DENND5B: variants seen among roughly 807,000 people sequenced by gnomAD.
The protein encoded by DENND5B is DENN domain containing 5B.
A neutral mutation model predicts 140.6 loss-of-function variants in DENND5B; 34 were observed. That is an observed-to-expected ratio of 0.24 (90% CI 0.18 to 0.32). DENND5B has a LOEUF of 0.32. Ranked by LOEUF, DENND5B falls within the 10% of genes least tolerant of loss-of-function variation. The pLI, the probability that DENND5B is intolerant of heterozygous loss-of-function variation, is 1.00. For synonymous variants in DENND5B, 551 were observed against 562.1 expected, an observed-to-expected ratio of 0.98 and a Z score of 0.28; for missense variants, 1,142 against 1,560.2, an observed-to-expected ratio of 0.73 and a Z score of 4.52.
At chr12:31,515,286 C>G (rs959771304) in intron 1 of DENND5B, among the ~76,000 whole-genome samples, 1 of 152,164 alleles carries the variant, frequency 6.6e-6, no homozygotes, top group Admixed American at 6.5e-5. Context: ...GCTTGGGTGA[C>G]AGAGTGAGAC....
intron 2 of DENND5B, among the ~76,000 whole-genome samples, chr12:31,490,918 CTT>C (rs1240897000): frequency 1.3e-5 from 2 of 152,102 alleles, no homozygotes; most frequent in African/African-American, 2.4e-5. Flanking sequence ...AGTTATTACT[CTT>C]TTGTTACCTA....
At chr12:31,457,097 T>C (rs2617190) in intron 4 of DENND5B, among the ~76,000 whole-genome samples, 100,525 of 152,066 alleles carry the variant, frequency 0.66, 34,469 homozygotes, top group East Asian at 0.86. Flanking sequence ...ATAAATTATT[T>C]CCTCAGAATC....
At chr12:31,483,177 G>C (rs979361559) in intron 2 of DENND5B, among the ~76,000 whole-genome samples, 1 of 152,142 alleles carries the variant, frequency 6.6e-6, no homozygotes, top group African/African-American at 2.4e-5. Context: ...TCCAAACCTT[G>C]ACACTTCCCC....
chr12:31,414,868 G>A, intron 12 of DENND5B, among the ~76,000 whole-genome samples: 1 of 150,746 alleles, frequency 6.6e-6, no homozygotes. Flanking sequence ...GTTGCAGTGA[G>A]CTGAGATCAC....
At chr12:31,420,186 G>C in intron 11 of DENND5B, 1 of 509,702 alleles carries the variant, frequency 2.0e-6, no homozygotes, top group Non-Finnish European at 2.5e-6. Flanking sequence ...GAGTGCAGTG[G>C]TGGGATCACA....
intron 1 of DENND5B, among the ~76,000 whole-genome samples, chr12:31,569,910 A>T (rs1949758404): frequency 6.6e-6 from 1 of 151,148 alleles, no homozygotes; most frequent in Non-Finnish European, 1.5e-5. Flanking sequence ...AATTACCAAA[A>T]AATGGCCTGG....
At chr12:31,398,766 G>T (rs1013403345) in intron 16 of DENND5B, among the ~76,000 whole-genome samples, 5 of 151,916 alleles carry the variant, frequency 3.3e-5, no homozygotes, top group African/African-American at 1.2e-4. Flanking sequence ...TTTTCTGAGA[G>T]TTATATTAAT....
chr12:31,573,724 T>TA (rs1334857548), intron 1 of DENND5B, among the ~76,000 whole-genome samples: 5 of 152,232 alleles, frequency 3.3e-5, no homozygotes, highest in African/African-American at 1.2e-4. Flanking sequence ...GCTATCCCTC[T>TA]ACCACTTCTA....
intron 1 of DENND5B, among the ~76,000 whole-genome samples, chr12:31,513,312 GTTC>G (rs933120325): frequency 1.3e-5 from 2 of 152,132 alleles, no homozygotes; most frequent in Non-Finnish European, 2.9e-5. Context: ...CCACAGAAAA[GTTC>G]TTTTTTCTCT....
In DENND5B at chr12:31,433,224, A is replaced by G; in HGVS notation, c.2037T>C (p.Thr679=). 1 of 1,612,344 alleles carries G rather than the reference A, an allele frequency of 6.2e-7. No homozygotes were observed. Among genetic ancestry groups the G allele is most frequent in the Non-Finnish European group, 8.5e-7 (1 of 1,179,434 alleles). The change falls in exon 8 of 21, where the codon ACT becomes ACC. Residue 679 remains threonine, a synonymous_variant. Coordinates refer to ENST00000389082, the MANE Select transcript of DENND5B (RefSeq NM_144973.4). ...GAAGGCGTTCTTTCCTGCGCTGTGC[A>G]GTGGCACTCCGACTTACCCAGCGAC... ...SNNRWVSRSA[T]AQRRKERLRQ... is the part of the protein sequence containing the mutation.
chr12:31,407,938 C>T (rs1258852272), intron 14 of DENND5B, among the ~76,000 whole-genome samples: 1 of 152,050 alleles, frequency 6.6e-6, no homozygotes. Flanking sequence ...GGAAGAGGAC[C>T]CACTGCAAAT....
At chr12:31,399,575 G>A in intron 16 of DENND5B, 79 bp downstream of exon 16, 1 of 1,171,790 alleles carries the variant, frequency 8.5e-7, no homozygotes, top group East Asian at 2.5e-5. Context: ...CACTGTGCCT[G>A]GCCTACAATT....
At chr12:31,415,567 CCAAAATGTCAAA>C (rs1942694041) in intron 11 of DENND5B, 119 bp from the exon 12 acceptor site, 2 of 788,192 alleles carry the variant, frequency 2.5e-6, no homozygotes. Flanking sequence ...ATCATCTAGC[CCAAAATGTCAAA>C]AAACAAATTT....
chr12:31,439,332 A>C (rs1943919784), intron 7 of DENND5B, among the ~76,000 whole-genome samples: 1 of 152,210 alleles, frequency 6.6e-6, no homozygotes, highest in Non-Finnish European at 1.5e-5. Context: ...GAAATGGGAA[A>C]CCATAAGATT....
intron 15 of DENND5B, among the ~76,000 whole-genome samples, chr12:31,399,996 G>A (rs1038048905): frequency 1.3e-5 from 2 of 152,200 alleles, no homozygotes; most frequent in African/African-American, 4.8e-5. Context: ...CAAATGAGGG[G>A]CACTGCACAC....
At chr12:31,435,067 A>G (rs1943678738) in intron 7 of DENND5B, among the ~76,000 whole-genome samples, 1 of 151,902 alleles carries the variant, frequency 6.6e-6, no homozygotes, top group Non-Finnish European at 1.5e-5. Flanking sequence ...CTCTGTAATA[A>G]TCCTCTACTT....
At chr12:31,400,312 T>C (rs1283593615) in intron 15 of DENND5B, among the ~76,000 whole-genome samples, 3 of 152,204 alleles carry the variant, frequency 2.0e-5, no homozygotes, top group Admixed American at 6.5e-5. Context: ...TCCAATAAGA[T>C]ACTAAGGCAG....
rs189486169 is a variant in DENND5B at position 31,431,277 on chromosome 12, T to C, written c.2106+1878A>G. 5.9e-5 allele frequency among the ~76,000 whole-genome samples: 9 copies of C among 152,316 alleles called. No individual in the cohort carries two copies. In the East Asian group the frequency reaches 1.7e-3, roughly 29 times the overall value. On this transcript the variant is annotated intron_variant, in intron 8 of 20. Transcript: ENST00000389082. ...GTAAACGCCCTAGCCCTTTACAAGT[T>C]GGTGTTCAACTTGTGAAGAGAAGAC...
At chr12:31,553,858 T>C (rs368221128) in intron 1 of DENND5B, among the ~76,000 whole-genome samples, 3 of 152,028 alleles carry the variant, frequency 2.0e-5, no homozygotes, top group East Asian at 1.9e-4. Flanking sequence ...GGTTTAAAGT[T>C]TGTTTTATCA....
Sources: gnomAD v4.1 joint callset for allele counts (sites outside exome capture counted in the v4.1 genomes callset) on GRCh38, gnomAD v4.1.1 for gene constraint, MANE v1.5 for transcripts, NCBI Gene and HGNC (gene_info 2026-07-23, HGNC 2026-07-21) for gene names.